Variants in GPATCH2L observed in about 807,000 individuals in gnomAD.
GPATCH2L encodes the protein G patch domain-containing protein 2-like.
Under a neutral mutation model 57.4 loss-of-function variants are expected in GPATCH2L, and 31 were observed. That is an observed-to-expected ratio of 0.54 (90% CI 0.41 to 0.73). GPATCH2L has a LOEUF of 0.73. Ranked by LOEUF, GPATCH2L falls within the 30% of genes least tolerant of loss-of-function variation. The pLI is 0.00. For missense variants in GPATCH2L, 481 were observed against 599.9 expected, an observed-to-expected ratio of 0.80 and a Z score of 2.07; for synonymous variants, 199 against 210.7, an observed-to-expected ratio of 0.94 and a Z score of 0.48.
chr14:76,158,899 A>G (rs905419894), intron 2 of GPATCH2L, among the ~76,000 whole-genome samples: 4 of 152,192 alleles, frequency 2.6e-5, no homozygotes, highest in African/African-American at 9.7e-5. Flanking sequence ...CTTGAAAGAA[A>G]CATCCATCTC....
intron 8 of GPATCH2L, among the ~76,000 whole-genome samples, chr14:76,183,988 G>T (rs558537989): frequency 2.6e-5 from 4 of 151,666 alleles, no homozygotes. Flanking sequence ...AAAGCACCTG[G>T]GCAGCATTGG....
intron 3 of GPATCH2L, among the ~76,000 whole-genome samples, chr14:76,169,492 G>C (rs2139644467): frequency 6.6e-6 from 1 of 152,298 alleles, no homozygotes; most frequent in East Asian, 1.9e-4. Context: ...AGAGGAGCCA[G>C]AGGTCAGGAG....
At chr14:76,153,292 A>G (rs74069335) in intron 1 of GPATCH2L, among the ~76,000 whole-genome samples, 1,614 of 152,334 alleles carry the variant, frequency 0.011, 27 homozygotes, top group African/African-American at 0.037. Context: ...GCAAGAGAAA[A>G]GTGCTAAAAA....
intron 8 of GPATCH2L, among the ~76,000 whole-genome samples, chr14:76,194,786 C>T (rs1220382985): frequency 6.6e-6 from 1 of 152,050 alleles, no homozygotes; most frequent in East Asian, 1.9e-4. Flanking sequence ...ATAAAATTTA[C>T]TATTTTAATC....
chr14:76,214,610 C>A (rs182094694), downstream of GPATCH2L, among the ~76,000 whole-genome samples: 426 of 152,268 alleles, frequency 2.8e-3, 1 homozygote, highest in African/African-American at 9.8e-3. Context: ...CTAGTTAGCT[C>A]TCTGGGGTCT....
chr14:76,227,529 A>G (rs1402560503), intron 1 of GPATCH2L, among the ~76,000 whole-genome samples: 1 of 152,206 alleles, frequency 6.6e-6, no homozygotes, highest in Non-Finnish European at 1.5e-5. Context: ...GTGCAGCAAC[A>G]CTGTGTAGGA....
At chr14:76,180,030 C>CAAAAAAAAAAAAA (rs71122517) in intron 7 of GPATCH2L, 2 of 122,576 alleles carry the variant, frequency 1.6e-5, no homozygotes, top group Non-Finnish European at 1.7e-5. Flanking sequence ...ACTAAAAATA[C>CAAAAAAAAAAAAA]AAAAAAAAAA....
At chr14:76,167,927 A>G (rs1173222975) in intron 3 of GPATCH2L, among the ~76,000 whole-genome samples, 1 of 152,218 alleles carries the variant, frequency 6.6e-6, no homozygotes, top group Admixed American at 6.5e-5. Flanking sequence ...GCTATGATGC[A>G]TAAGTATAGA....
chr14:76,201,921 A>G lies in GPATCH2L; in HGVS notation c.*70A>G. 1 of 1,318,170 alleles carries G rather than the reference A, an allele frequency of 7.6e-7. No homozygotes were observed. Among genetic ancestry groups the G allele is most frequent in the Non-Finnish European group, 1.1e-6 (1 of 944,348 alleles). 81.7% of individuals were successfully genotyped at this position (1,318,170 alleles called of 1,614,324 possible). On this transcript the variant is annotated 3_prime_UTR_variant, in exon 10 of 10. Transcript: ENST00000261530. ...GCAAATGTTGGACTTTGTGTTAGAT[A>G]GTCTTGCATATCTTAATCGACATTC...
chr14:76,196,437 G>GTTTTGT (rs368248518), intron 9 of GPATCH2L: 6 of 129,536 alleles, frequency 4.6e-5, no homozygotes, highest in Admixed American at 7.7e-5. Context: ...AAACTTTTCA[G>GTTTTGT]TTTTTTTTTT....
In GPATCH2L at chr14:76,208,610, C is replaced by T. The variant is rs1314898489; in HGVS notation, c.*6759C>T. On this transcript the variant is annotated 3_prime_UTR_variant, in exon 10 of 10. Coordinates refer to ENST00000261530, the MANE Select transcript of GPATCH2L (RefSeq NM_017926.4). ...CCTTACCTTCTTGCCAGTGCCTGTC[C>T]TGCCCAAGACGAACCCCTTTTCCTG... 2.6e-5 allele frequency: 4 copies of T among 152,898 alleles called. No individual in the cohort carries two copies. Among genetic ancestry groups the T allele is most frequent in the Non-Finnish European group, 5.9e-5 (4 of 68,332 alleles). The allele number at this position is 152,898 out of a possible 1,614,324, so 9.5% of individuals were successfully genotyped here.
At position 76,172,055 on chromosome 14, in the gene GPATCH2L, A is replaced by G. The variant is rs753991830; in HGVS notation, c.904+36A>G. On this transcript the variant is annotated intron_variant, in intron 4 of 9. Transcript: ENST00000261530. ...AGGAGACCAAGAACTTAATGCTTTT[A>G]TGGTTCTCCTTGGGCAGAGCAATCA... The G allele has an allele frequency of 6.3e-6, 9 of 1,423,258 alleles. No individual in the cohort carries two copies. The Admixed American group carries it at 1.6e-4, about 25-fold the overall frequency. The allele number at this position is 1,423,258 out of a possible 1,614,324, so 88.2% of individuals were successfully genotyped here.
chr14:76,169,579 C>A (rs1032661642), intron 3 of GPATCH2L, among the ~76,000 whole-genome samples: 19 of 152,192 alleles, frequency 1.2e-4, no homozygotes, highest in African/African-American at 3.9e-4. Flanking sequence ...TCTTAGTGAA[C>A]CCTGATTGAA....
At position 76,196,233 on chromosome 14, in the gene GPATCH2L, T is replaced by C. The variant is rs1176998906; in HGVS notation, c.1288+261T>C. 3 of 616,194 alleles carry C rather than the reference T, an allele frequency of 4.9e-6. No individual in the cohort carries two copies. The East Asian group carries it at 8.2e-5, about 17-fold the overall frequency. 38.2% of individuals were successfully genotyped at this position (616,194 alleles called of 1,614,324 possible). ...AGCAATCTCCAGTCATCTGAGCTTT[T>C]GTTTTAGCAGACAGGAAATTAGGTC... On this transcript the variant is annotated intron_variant, in intron 9 of 9. Transcript: ENST00000261530.
intron 2 of GPATCH2L, among the ~76,000 whole-genome samples, chr14:76,235,183 A>G (rs2040593102): frequency 6.6e-6 from 1 of 151,880 alleles, no homozygotes; most frequent in Non-Finnish European, 1.5e-5. Context: ...AAAAAAAAAA[A>G]AGAAAAAAAG....
chr14:76,210,036 A>G lies in GPATCH2L; in HGVS notation c.*8185A>G, dbSNP rs2040422398. The G allele has an allele frequency of 5.9e-5, 9 of 152,210 alleles. No homozygotes were observed. The highest frequency in any genetic ancestry group is 5.9e-4 in the Admixed American group (9 of 15,282). The allele number at this position is 152,210 out of a possible 1,614,324, so 9.4% of individuals were successfully genotyped here. On this transcript the variant is annotated 3_prime_UTR_variant, in exon 10 of 10. Transcript: ENST00000261530. Reference sequence around the variant, plus strand: ...CATTTACTGAACACTGATGAAGCGAAGTCCTCCTCAGGGACCTCTTAGGGA... The same window carrying G: ...CATTTACTGAACACTGATGAAGCGAGGTCCTCCTCAGGGACCTCTTAGGGA...
chr14:76,222,727 C>T (rs2040520503), intron 1 of GPATCH2L, among the ~76,000 whole-genome samples: 1 of 151,330 alleles, frequency 6.6e-6, no homozygotes, highest in African/African-American at 2.4e-5. Context: ...GAGACTGAGG[C>T]AGGTGGATCA....
intron 2 of GPATCH2L, among the ~76,000 whole-genome samples, chr14:76,161,848 C>T (rs1453735325): frequency 6.6e-6 from 1 of 152,062 alleles, no homozygotes; most frequent in African/African-American, 2.4e-5. Context: ...CCAGCCTGAC[C>T]AATGTGGTGA....
chr14:76,190,802 C>T (rs2039936313), intron 8 of GPATCH2L, among the ~76,000 whole-genome samples: 1 of 152,080 alleles, frequency 6.6e-6, no homozygotes, highest in Non-Finnish European at 1.5e-5. Flanking sequence ...ACTGATTCTG[C>T]TCCCACTCCT....
Sources: gnomAD v4.1 joint callset for allele counts (sites outside exome capture counted in the v4.1 genomes callset) on GRCh38, gnomAD v4.1.1 for gene constraint, MANE v1.5 for transcripts, NCBI Gene and HGNC (gene_info 2026-07-23, HGNC 2026-07-21) for gene names.